The following FKBP15 variants were observed in gnomAD, a reference collection of about 807,000 sequenced individuals.
FKBP15 encodes the protein FKBP prolyl isomerase family member 15.
Under a neutral mutation model 158.1 loss-of-function variants are expected in FKBP15, and 106 were observed. That is an observed-to-expected ratio of 0.67 (90% CI 0.57 to 0.79). The LOEUF (loss-of-function observed/expected upper bound fraction) is 0.79. Among genes scored for constraint, FKBP15 ranks in the 30% least tolerant of loss-of-function variants. The pLI, the probability that FKBP15 is intolerant of heterozygous loss-of-function variation, is 0.00. For synonymous variants in FKBP15, 547 were observed against 548.6 expected (o/e 1.00, Z 0.04); for missense variants, 1,287 against 1,479.1 (o/e 0.87, Z 2.13).
chr9:113,167,687 A>G (rs1437440813), intron 27 of FKBP15, among the ~76,000 whole-genome samples: 1 of 152,196 alleles, frequency 6.6e-6, no homozygotes, highest in Non-Finnish European at 1.5e-5. Flanking sequence ...TCTGTCCTTT[A>G]GATGGACTGA....
At chr9:113,216,083 GAAAAAA>G (rs71491081) in intron 1 of FKBP15, among the ~76,000 whole-genome samples, 1 of 86,014 alleles carries the variant, frequency 1.2e-5, no homozygotes, top group South Asian at 4.0e-4. Flanking sequence ...TTTATTTTGT[GAAAAAA>G]AAAAAAAAAA....
chr9:113,168,608 A>G (rs1457437862), intron 26 of FKBP15, 52 bp from the exon 27 acceptor site: 3 of 1,515,400 alleles, frequency 2.0e-6, no homozygotes, highest in Non-Finnish European at 1.8e-6. Context: ...TCCAGGTCAC[A>G]GTACCCACCA....
intron 14 of FKBP15, chr9:113,186,580 A>G (rs1830490134): frequency 5.8e-6 from 3 of 515,352 alleles, no homozygotes; most frequent in South Asian, 5.4e-5. Context: ...AATCCTACCC[A>G]GAAACTGAAG....
intron 7 of FKBP15, 41 bp downstream of exon 7, chr9:113,199,773 A>G: frequency 6.3e-7 from 1 of 1,588,170 alleles, no homozygotes; most frequent in Non-Finnish European, 8.6e-7. Context: ...CCCTCATGCT[A>G]TATAAGTTTA....
intron 21 of FKBP15, among the ~76,000 whole-genome samples, chr9:113,175,289 G>A (rs144688110): frequency 2.2e-3 from 332 of 152,296 alleles, no homozygotes; most frequent in African/African-American, 7.6e-3. Flanking sequence ...CATAAAGAGT[G>A]TGTTACAAGG....
intron 18 of FKBP15, 126 bp from the exon 19 acceptor site, chr9:113,182,994 C>T (rs1830427112): frequency 1.3e-6 from 1 of 794,754 alleles, no homozygotes; most frequent in Non-Finnish European, 2.1e-6. Flanking sequence ...AATTTGAAAG[C>T]ATTTTCTTTT....
intron 1 of FKBP15, among the ~76,000 whole-genome samples, chr9:113,216,083 G>GAAAAAAAAA (rs71491081): frequency 2.9e-4 from 25 of 85,932 alleles, no homozygotes; most frequent in Middle Eastern, 8.1e-3. Context: ...TTTATTTTGT[G>GAAAAAAAAA]AAAAAAAAAA....
intron 1 of FKBP15, among the ~76,000 whole-genome samples, chr9:113,218,751 C>G (rs1383581388): frequency 6.6e-6 from 1 of 152,044 alleles, no homozygotes; most frequent in Non-Finnish European, 1.5e-5. Context: ...TATGGAGGGA[C>G]AAGGATGGAA....
intron 2 of FKBP15, among the ~76,000 whole-genome samples, chr9:113,209,280 T>A (rs75769255): frequency 0.017 from 2,663 of 152,282 alleles, 93 homozygotes; most frequent in African/African-American, 0.061. Context: ...AGACTCTGTT[T>A]CTAAAATTAA....
chr9:113,162,712 C>T lies in FKBP15; in HGVS notation c.*3366G>A, dbSNP rs779550297. 4 of 1,583,568 alleles carry T rather than the reference C, an allele frequency of 2.5e-6. No individual in the cohort carries two copies. The highest frequency in any genetic ancestry group is 3.4e-6 in the Non-Finnish European group (4 of 1,162,352). ...ACTCCCAGCTTCCTCATTACCAGCT[C>T]ATTACCAGGATTAACTTGCTTCTCC... is the stretch of plus-strand genomic sequence containing the variant. On this transcript the variant is annotated 3_prime_UTR_variant, in exon 28 of 28. Coordinates refer to ENST00000238256, the MANE Select transcript of FKBP15 (RefSeq NM_015258.2).
intron 12 of FKBP15, 36 bp from the exon 13 acceptor site, chr9:113,188,527 G>C: frequency 6.4e-7 from 1 of 1,556,910 alleles, no homozygotes; most frequent in South Asian, 1.1e-5. Context: ...TACTCTGTAC[G>C]GGGTCCCTCA....
chr9:113,174,053 C>T (rs1830259937), intron 22 of FKBP15, among the ~76,000 whole-genome samples: 1 of 152,156 alleles, frequency 6.6e-6, no homozygotes, highest in South Asian at 2.1e-4. Context: ...TGTGTCCTGC[C>T]ACTATCCCTG....
At chr9:113,168,708 C>T (rs1830141539) in intron 26 of FKBP15, among the ~76,000 whole-genome samples, 152 bp from the exon 27 acceptor site, 1 of 152,160 alleles carries the variant, frequency 6.6e-6, no homozygotes, top group African/African-American at 2.4e-5. Context: ...ACCATCTCTT[C>T]CCACACCCTA....
rs1381887294 is a variant in FKBP15, at chr9:113,162,610, A to G, written c.*3468T>C. The stretch of plus-strand genomic sequence containing the variant: ...GCGGGGGTGGGAGGGGCAGAAAGAA[A>G]TCACTCCTGGGTTAAGCATACAAGT... On this transcript the variant is annotated 3_prime_UTR_variant, in exon 28 of 28. Transcript: ENST00000238256. 9.7e-6 allele frequency: 7 copies of G among 718,640 alleles called. No individual in the cohort carries two copies. Among genetic ancestry groups the G allele is most frequent in the Non-Finnish European group, 1.5e-5 (7 of 459,478 alleles). The allele number at this position is 718,640 out of a possible 1,614,324, so 44.5% of individuals were successfully genotyped here.
rs1294900458 is a variant in FKBP15, at chr9:113,169,007, GCAGGGCCCGCCACACTACCA to G, written c.3485+197_3485+216del. On this transcript the variant is annotated intron_variant, in intron 26 of 27. Transcript: ENST00000238256. ...CTACCACAGTGCCCGCCACACTACC[GCAGGGCCCGCCACACTACCA>G]CAGGGCCCGCCACACTACTGTAGGG... is the stretch of plus-strand genomic sequence containing the variant. Among the ~76,000 whole-genome samples the G allele has an allele frequency of 3.5e-5, 5 of 144,178 alleles. No individual in the cohort carries two copies. The East Asian group carries it at 5.8e-4, about 17-fold the overall frequency. The allele number at this position is 144,178 out of a possible 152,430, so 94.6% of individuals were successfully genotyped here. A position where few individuals can be genotyped will look rare whatever the true frequency, so the allele number is the denominator to read the frequency against.
chr9:113,196,153 T>C (rs1168371758), intron 9 of FKBP15, among the ~76,000 whole-genome samples: 1 of 152,168 alleles, frequency 6.6e-6, no homozygotes, highest in Non-Finnish European at 1.5e-5. Context: ...AAAACATAAT[T>C]TAACCAGTAT....
intron 4 of FKBP15, among the ~76,000 whole-genome samples, chr9:113,204,102 C>T (rs1323524337): frequency 2.6e-5 from 4 of 151,686 alleles, no homozygotes; most frequent in African/African-American, 4.8e-5. Context: ...TTTGAGATGA[C>T]GTTTCACTCT....
At position 113,188,333 on chromosome 9, in the gene FKBP15, G is replaced by A. The variant is rs1384796545; in HGVS notation, c.1276+56C>T. On this transcript the variant is annotated intron_variant, in intron 13 of 27. Transcript: ENST00000238256. ...GCCTAACAGTTTAAGGAACAGTGAC[G>A]ATAATTTTCATGCTGACCCAGTTCA... 15 of 1,324,936 alleles carry A rather than the reference G, an allele frequency of 1.1e-5. No individual in the cohort carries two copies. In the South Asian group the frequency reaches 1.2e-4, roughly 10 times the overall value. The allele number at this position is 1,324,936 out of a possible 1,614,324, so 82.1% of individuals were successfully genotyped here. A position where few individuals can be genotyped will look rare whatever the true frequency, so the allele number is the denominator to read the frequency against.
rs993822904 is a variant in FKBP15 at position 113,163,921 on chromosome 9, C to T, written c.*2157G>A. ...CTTAAAATACTGATTAAGCCATGGG[C>T]AGGTACTGACTGAAGATGCAATCCA... On this transcript the variant is annotated 3_prime_UTR_variant, in exon 28 of 28. Coordinates refer to ENST00000238256, the MANE Select transcript of FKBP15 (RefSeq NM_015258.2). 6.7e-6 allele frequency: 1 copy of T among 149,818 alleles called. No homozygotes were observed. Among genetic ancestry groups the T allele is most frequent in the African/African-American group, 2.5e-5 (1 of 40,474 alleles). 9.3% of individuals were successfully genotyped at this position (149,818 alleles called of 1,614,324 possible).
Sources: allele counts gnomAD v4.1 joint callset (sites outside exome capture counted in the v4.1 genomes callset), GRCh38; gene constraint gnomAD v4.1.1; transcripts MANE v1.5; gene names NCBI Gene and HGNC (gene_info 2026-07-23, HGNC 2026-07-21).